Variants in GLB1 observed in about 807,000 individuals in gnomAD.
GLB1 encodes galactosidase beta 1, also known as beta-galactosidase.
In GLB1, 56 loss-of-function variants were observed where a neutral mutation model predicts 74.0. The observed-to-expected ratio is 0.76, with a 90% CI of 0.61 to 0.94. The LOEUF (loss-of-function observed/expected upper bound fraction) is 0.94, where lower values mean the gene tolerates loss of function less well. Among genes scored for constraint, GLB1 ranks in the 40% least tolerant of loss-of-function variants. The pLI, the probability that GLB1 is intolerant of heterozygous loss-of-function variation, is 0.00. For missense variants in GLB1, 787 were observed against 845.5 expected (o/e 0.93, Z 0.86); for synonymous variants, 323 against 323.6 (o/e 1.00, Z 0.02).
chr3:33,033,891 C>A (rs1028726195), intron 10 of GLB1: 8 of 526,238 alleles, frequency 1.5e-5, no homozygotes, highest in African/African-American at 1.4e-4. Flanking sequence ...ACTGTGGATA[C>A]CTCCCATAAG....
intron 1 of GLB1, among the ~76,000 whole-genome samples, chr3:33,076,597 C>T (rs1025678135): frequency 2.6e-5 from 4 of 152,060 alleles, no homozygotes; most frequent in Non-Finnish European, 5.9e-5. Context: ...GAGGCACAGG[C>T]GCGAACCTGA....
At chr3:33,068,489 G>C (rs1193193697) in intron 3 of GLB1, among the ~76,000 whole-genome samples, 199 bp from the exon 4 acceptor site, 2 of 152,228 alleles carry the variant, frequency 1.3e-5, no homozygotes, top group Non-Finnish European at 2.9e-5. Context: ...CTGCATGAAT[G>C]CAATGTTTTA....
the GLB1 span, among the ~76,000 whole-genome samples, chr3:32,982,735 A>G: frequency 6.6e-6 from 1 of 152,154 alleles, no homozygotes; most frequent in Non-Finnish European, 1.5e-5. Context: ...AATCTTTTTT[A>G]TATCCTAGAA....
intron 14 of GLB1, among the ~76,000 whole-genome samples, 185 bp from the exon 15 acceptor site, chr3:33,014,495 G>T (rs1183131723): frequency 6.6e-6 from 1 of 152,192 alleles, no homozygotes; most frequent in African/African-American, 2.4e-5. Flanking sequence ...AAATCCTTGG[G>T]AAGAGATATA....
Position 33,024,344 on chromosome 3 carries a change from A to G in GLB1, c.1069-19T>C, listed in dbSNP as rs1264706778. ...TTTCAAACTATAAACCAGAGTAGAA[A>G]AAGAGAGAAAAGAAAAAAAGTTGGT... On this transcript the variant is annotated intron_variant, in intron 10 of 15. Coordinates refer to ENST00000307363, the MANE Select transcript of GLB1 (RefSeq NM_000404.4). The G allele has an allele frequency of 1.2e-6, 2 of 1,603,608 alleles. No individual in the cohort carries two copies. Among genetic ancestry groups the G allele is most frequent in the Non-Finnish European group, 1.7e-6 (2 of 1,176,198 alleles).
intron 10 of GLB1, among the ~76,000 whole-genome samples, chr3:33,025,818 A>T (rs911857187): frequency 3.3e-5 from 5 of 152,100 alleles, no homozygotes; most frequent in African/African-American, 1.2e-4. Context: ...GAGGCAGCTG[A>T]CTGTGCCGTC....
chr3:32,976,359 CT>C, the GLB1 span, among the ~76,000 whole-genome samples: 3 of 152,352 alleles, frequency 2.0e-5, no homozygotes, highest in Admixed American at 2.0e-4. Flanking sequence ...CCATCCTACT[CT>C]TTCCCCTCCA....
chr3:33,008,906 C>T (rs542956630), intron 15 of GLB1, among the ~76,000 whole-genome samples: 53 of 151,114 alleles, frequency 3.5e-4, no homozygotes, highest in Middle Eastern at 3.5e-3. Context: ...GATCACCTGA[C>T]GTCGGGAGTT....
intron 3 of GLB1, 88 bp downstream of exon 3, chr3:33,068,732 A>C: frequency 6.2e-7 from 1 of 1,608,340 alleles, no homozygotes; most frequent in Non-Finnish European, 8.5e-7. Context: ...GCTCTCTGGA[A>C]TGCAGGTCTG....
At chr3:33,057,346 A>T (rs1699262679) in intron 6 of GLB1, among the ~76,000 whole-genome samples, 1 of 152,168 alleles carries the variant, frequency 6.6e-6, no homozygotes, top group South Asian at 2.1e-4. Context: ...TAAATTACCC[A>T]GTCTCTGGTA....
chr3:32,970,356 C>G, the GLB1 span, among the ~76,000 whole-genome samples: 1 of 151,990 alleles, frequency 6.6e-6, no homozygotes, highest in Admixed American at 6.6e-5. Context: ...GGTATTTGCC[C>G]TATGAGATTT....
At chr3:33,073,498 G>A (rs1699964178) in intron 1 of GLB1, among the ~76,000 whole-genome samples, 2 of 152,072 alleles carry the variant, frequency 1.3e-5, no homozygotes, top group African/African-American at 4.8e-5. Flanking sequence ...GACCAGCCTG[G>A]CCAACATGGT....
At chr3:33,062,191 T>C (rs1263973217) in intron 5 of GLB1, among the ~76,000 whole-genome samples, 2 of 152,064 alleles carry the variant, frequency 1.3e-5, no homozygotes, top group African/African-American at 2.4e-5. Flanking sequence ...TGAGACAGAG[T>C]CTCACTTTTT....
At chr3:33,021,703 C>T (rs746440480) in intron 11 of GLB1, 48 bp from the exon 12 acceptor site, 20 of 1,586,208 alleles carry the variant, frequency 1.3e-5, no homozygotes, top group Non-Finnish European at 1.7e-5. Context: ...CCTCACTGGT[C>T]ATCAGGTTAC....
intron 10 of GLB1, among the ~76,000 whole-genome samples, chr3:33,028,918 C>T (rs1341306101): frequency 2.0e-5 from 3 of 152,098 alleles, no homozygotes; most frequent in African/African-American, 7.2e-5. Context: ...CCGCCCGCCT[C>T]GGCCTAAGTG....
chr3:33,022,999 C>T lies in GLB1; in HGVS notation c.1143+1252G>A, dbSNP rs115509799. Reference sequence around the variant, plus strand: ...CCTGAACACTAAGAAATTCAACTCACGGTAAAAACTTATTTTCTATATAAC... The same window carrying T: ...CCTGAACACTAAGAAATTCAACTCATGGTAAAAACTTATTTTCTATATAAC... On this transcript the variant is annotated intron_variant, in intron 11 of 15. Transcript: ENST00000307363. Among the ~76,000 whole-genome samples the T allele has an allele frequency of 4.8e-3, 735 of 152,272 alleles. 7 individuals carry two copies. Among genetic ancestry groups the T allele is most frequent in the African/African-American group, 0.016 (685 of 41,554 alleles).
chr3:32,999,962 C>T (rs1245672539), intron 15 of GLB1, among the ~76,000 whole-genome samples: 1 of 145,172 alleles, frequency 6.9e-6, no homozygotes, highest in Non-Finnish European at 1.5e-5. Flanking sequence ...TTTTCTTTTT[C>T]TTTTTTCCTT....
At chr3:33,055,441 T>C (rs1223633185) in intron 6 of GLB1, among the ~76,000 whole-genome samples, 1 of 148,536 alleles carries the variant, frequency 6.7e-6, no homozygotes, top group Non-Finnish European at 1.5e-5. Context: ...AATTGTGGTT[T>C]TTGTCATGGT....
At chr3:33,007,318 G>C (rs1045937224) in intron 15 of GLB1, among the ~76,000 whole-genome samples, 5 of 152,104 alleles carry the variant, frequency 3.3e-5, no homozygotes, top group Admixed American at 2.6e-4. Context: ...AGAACATTTC[G>C]TCACTCCGTT....
Sources: gnomAD v4.1 joint callset for allele counts (sites outside exome capture counted in the v4.1 genomes callset) on GRCh38, gnomAD v4.1.1 for gene constraint, MANE v1.5 for transcripts, NCBI Gene and HGNC (gene_info 2026-07-23, HGNC 2026-07-21) for gene names.